MSRA: variants seen among roughly 807,000 people sequenced by gnomAD.
MSRA encodes mitochondrial peptide methionine sulfoxide reductase.
A neutral mutation model predicts 31.3 loss-of-function variants in MSRA; 54 were observed. The observed-to-expected ratio is 1.73, with a 90% CI of 1.39 to 2.17. The LOEUF (loss-of-function observed/expected upper bound fraction) is 2.17, where lower values mean the gene tolerates loss of function less well. MSRA is among the 30% of genes most tolerant of loss of function. The probability of loss-of-function intolerance (pLI) is 0.00; values close to 1 mark genes in which losing one functional copy is unlikely to be tolerated. For missense variants in MSRA, 507 were observed against 300.9 expected (o/e 1.69, Z -5.07); for synonymous variants, 169 against 116.5 (o/e 1.45, Z -2.90).
intron 2 of MSRA, among the ~76,000 whole-genome samples, chr8:10,244,512 T>G (rs1277359990): frequency 6.6e-6 from 1 of 152,210 alleles, no homozygotes; most frequent in East Asian, 1.9e-4. Flanking sequence ...TTCTCCTGCG[T>G]TCATTATATC....
chr8:10,392,054 G>T (rs1350488737), intron 5 of MSRA, among the ~76,000 whole-genome samples: 1 of 152,202 alleles, frequency 6.6e-6, no homozygotes, highest in East Asian at 1.9e-4. Context: ...GAGGTGGGAA[G>T]GTTTGGTGGA....
intron 5 of MSRA, among the ~76,000 whole-genome samples, chr8:10,399,781 G>C (rs1414873577): frequency 6.6e-6 from 1 of 152,206 alleles, no homozygotes; most frequent in African/African-American, 2.4e-5. Flanking sequence ...AGTGGAGGTG[G>C]TTATGGTGGC....
intron 3 of MSRA, among the ~76,000 whole-genome samples, chr8:10,278,561 C>A (rs779717149): frequency 2.9e-4 from 44 of 152,238 alleles, no homozygotes; most frequent in Non-Finnish European, 4.4e-4. Flanking sequence ...ATGGAGTGGG[C>A]ACACCTATGG....
At chr8:10,291,506 G>C (rs1800235611) in intron 3 of MSRA, among the ~76,000 whole-genome samples, 4 of 151,640 alleles carry the variant, frequency 2.6e-5, no homozygotes, top group Admixed American at 1.3e-4. Flanking sequence ...TGATGTATTA[G>C]GATTTTTTTT....
chr8:10,216,447 C>T (rs1809997265), intron 2 of MSRA, among the ~76,000 whole-genome samples: 1 of 152,114 alleles, frequency 6.6e-6, no homozygotes, highest in South Asian at 2.1e-4. Flanking sequence ...ATCATTGTAA[C>T]CATTTTTTAA....
chr8:10,266,523 G>C (rs1366784413), intron 3 of MSRA, among the ~76,000 whole-genome samples: 1 of 151,962 alleles, frequency 6.6e-6, no homozygotes, highest in African/African-American at 2.4e-5. Flanking sequence ...TATTTTATCT[G>C]AGTCTGTGGC....
intron 2 of MSRA, among the ~76,000 whole-genome samples, chr8:10,209,320 G>C (rs1425788844): frequency 6.6e-6 from 1 of 152,050 alleles, no homozygotes; most frequent in Non-Finnish European, 1.5e-5. Flanking sequence ...CCAACCCCAG[G>C]CATATGAGAA....
intron 5 of MSRA, among the ~76,000 whole-genome samples, chr8:10,368,881 A>G (rs1164644373): frequency 6.6e-6 from 1 of 152,136 alleles, no homozygotes; most frequent in East Asian, 1.9e-4. Flanking sequence ...TTGCTAATCT[A>G]ACAGCCAGAA....
intron 3 of MSRA, among the ~76,000 whole-genome samples, chr8:10,254,737 C>T (rs933249926): frequency 6.6e-6 from 1 of 152,220 alleles, no homozygotes; most frequent in Non-Finnish European, 1.5e-5. Flanking sequence ...AAGACTGTCT[C>T]CTTCTAAGCC....
At position 10,338,891 on chromosome 8, in the gene MSRA, C is replaced by T. The variant is rs763258890; in HGVS notation, c.543+18902C>T. Among the ~76,000 whole-genome samples the T allele has an allele frequency of 3.3e-5, 5 of 152,100 alleles. No homozygotes were observed. The South Asian group carries it at 6.2e-4, about 19-fold the overall frequency. ...TTTGAGGCTCTAGGGAGCTGATGTG[C>T]GGGCAAAGGTTATAATCCAGAAAAT... On this transcript the variant is annotated intron_variant, in intron 5 of 5. Transcript: ENST00000317173.
intron 5 of MSRA, among the ~76,000 whole-genome samples, chr8:10,400,737 G>A (rs945585778): frequency 6.6e-6 from 1 of 152,184 alleles, no homozygotes; most frequent in African/African-American, 2.4e-5. Flanking sequence ...TTTGACAAGA[G>A]TGCCAAGCCA....
intron 5 of MSRA, among the ~76,000 whole-genome samples, chr8:10,335,245 GCT>G (rs1292251765): frequency 2.3e-5 from 3 of 129,588 alleles, no homozygotes; most frequent in African/African-American, 9.0e-5. Flanking sequence ...ACACCTCCCA[GCT>G]CTGTTTTTTT....
Position 10,362,590 on chromosome 8 carries a change from T to C in MSRA, c.543+42601T>C, listed in dbSNP as rs117350149. Among the ~76,000 whole-genome samples the C allele has an allele frequency of 2.0e-4, 30 of 151,886 alleles. No individual in the cohort carries two copies. In the East Asian group the frequency reaches 5.4e-3, roughly 28 times the overall value. On this transcript the variant is annotated intron_variant, in intron 5 of 5. Transcript: ENST00000317173. ...CTTTCTGAGTTTCCTAGGCCTCCACTGTTTTCTCTCCAAGCAGTCCCCCTA... is the reference window on the plus strand; with the variant it reads ...CTTTCTGAGTTTCCTAGGCCTCCACCGTTTTCTCTCCAAGCAGTCCCCCTA...
intron 5 of MSRA, among the ~76,000 whole-genome samples, chr8:10,412,581 A>G (rs1171446733): frequency 6.6e-6 from 1 of 152,154 alleles, no homozygotes; most frequent in Non-Finnish European, 1.5e-5. Flanking sequence ...TATTTAGAGA[A>G]CCCTCAAAAT....
chr8:10,172,190 A>T (rs1208017400), intron 1 of MSRA, among the ~76,000 whole-genome samples: 1 of 152,144 alleles, frequency 6.6e-6, no homozygotes, highest in Non-Finnish European at 1.5e-5. Context: ...AGGCAGTGGG[A>T]TCTGGTCACG....
At chr8:10,221,714 T>C (rs1210119567) in intron 2 of MSRA, among the ~76,000 whole-genome samples, 1 of 152,176 alleles carries the variant, frequency 6.6e-6, no homozygotes, top group African/African-American at 2.4e-5. Context: ...ATAAGTGCTG[T>C]TGATTAAAAT....
intron 1 of MSRA, among the ~76,000 whole-genome samples, chr8:10,180,996 C>G (rs1806484646): frequency 1.3e-5 from 2 of 152,266 alleles, no homozygotes; most frequent in South Asian, 2.1e-4. Flanking sequence ...GTCTTCGTCT[C>G]TGGACTTCTC....
At chr8:10,310,616 A>G (rs894251445) in intron 4 of MSRA, among the ~76,000 whole-genome samples, 1 of 152,190 alleles carries the variant, frequency 6.6e-6, no homozygotes, top group Admixed American at 6.5e-5. Flanking sequence ...ACGTGATCCC[A>G]TTTGCTCCTT....
intron 1 of MSRA, among the ~76,000 whole-genome samples, chr8:10,192,894 A>G (rs1807635682): frequency 6.6e-6 from 1 of 152,294 alleles, no homozygotes; most frequent in South Asian, 2.1e-4. Flanking sequence ...AATCTCAGAC[A>G]CCCATTTCAT....
Sources: gnomAD v4.1 joint callset for allele counts (sites outside exome capture counted in the v4.1 genomes callset) on GRCh38, gnomAD v4.1.1 for gene constraint, MANE v1.5 for transcripts, NCBI Gene and HGNC (gene_info 2026-07-23, HGNC 2026-07-21) for gene names.